Variants in CAPZB observed in about 807,000 individuals in gnomAD.
CAPZB encodes the protein capping actin protein of muscle Z-line subunit beta, also known as F-actin-capping protein subunit beta.
In CAPZB, 2 loss-of-function variants were observed where a neutral mutation model predicts 38.1. The observed-to-expected ratio is 0.05, with a 90% CI of 0.02 to 0.17. The LOEUF (loss-of-function observed/expected upper bound fraction) is 0.17. CAPZB is among the 10% of genes least tolerant of loss of function. The pLI is 1.00. For missense variants in CAPZB, 161 were observed against 334.2 expected (o/e 0.48, Z 4.04); for synonymous variants, 107 against 127.4 (o/e 0.84, Z 1.08).
chr1:19,466,027 G>A (rs1186808731), intron 1 of CAPZB, among the ~76,000 whole-genome samples: 1 of 152,148 alleles, frequency 6.6e-6, no homozygotes, highest in Non-Finnish European at 1.5e-5. Context: ...AAGTGTAAGG[G>A]AACAAAGATT....
intron 1 of CAPZB, among the ~76,000 whole-genome samples, chr1:19,436,625 T>C (rs1326985309): frequency 6.6e-6 from 1 of 152,178 alleles, no homozygotes; most frequent in African/African-American, 2.4e-5. Flanking sequence ...ATATTATCTG[T>C]GGTTTCAGGC....
At chr1:19,463,567 A>G (rs963170632) in intron 1 of CAPZB, among the ~76,000 whole-genome samples, 4 of 152,170 alleles carry the variant, frequency 2.6e-5, no homozygotes, top group African/African-American at 9.7e-5. Flanking sequence ...GGAGAGCAAA[A>G]GGCCCTGTGA....
chr1:19,340,855 G>A (rs1441138576), intron 8 of CAPZB, among the ~76,000 whole-genome samples: 1 of 152,196 alleles, frequency 6.6e-6, no homozygotes, highest in African/African-American at 2.4e-5. Flanking sequence ...CAGTTTAGAA[G>A]CAGTGGAAAG....
chr1:19,432,951 G>A (rs2094447225), intron 1 of CAPZB, among the ~76,000 whole-genome samples: 2 of 152,210 alleles, frequency 1.3e-5, no homozygotes, highest in Non-Finnish European at 2.9e-5. Context: ...ATCTGTCACC[G>A]TGGATTACAG....
chr1:19,420,621 G>C (rs1162983032), intron 1 of CAPZB, among the ~76,000 whole-genome samples: 1 of 151,724 alleles, frequency 6.6e-6, no homozygotes, highest in African/African-American at 2.4e-5. Context: ...GGGGAACATG[G>C]GGTTTTGCCA....
chr1:19,389,292 T>A (rs1043088948), intron 2 of CAPZB, among the ~76,000 whole-genome samples: 3 of 152,146 alleles, frequency 2.0e-5, no homozygotes, highest in African/African-American at 7.2e-5. Flanking sequence ...AACATGCACG[T>A]GCATTCCCCC....
intron 6 of CAPZB, among the ~76,000 whole-genome samples, chr1:19,346,625 T>G (rs1006497875): frequency 1.3e-5 from 2 of 151,982 alleles, no homozygotes; most frequent in African/African-American, 4.8e-5. Flanking sequence ...TCTCACCTAT[T>G]TCTACATCTC....
chr1:19,407,351 G>GAGAGGCCCAGAGATACAGAAC (rs1553279150), intron 2 of CAPZB, among the ~76,000 whole-genome samples: 4 of 152,162 alleles, frequency 2.6e-5, no homozygotes, highest in Admixed American at 1.3e-4. Flanking sequence ...GCAGTCCCAG[G>GAGAGGCCCAGAGATACAGAAC]AGAGGCCCAG....
At chr1:19,463,058 A>G (rs1346624516) in intron 1 of CAPZB, among the ~76,000 whole-genome samples, 2 of 152,248 alleles carry the variant, frequency 1.3e-5, no homozygotes, top group Non-Finnish European at 2.9e-5. Flanking sequence ...GTTCTCATCC[A>G]GCAGATTTAG....
At chr1:19,365,494 G>A (rs1055036040) in intron 4 of CAPZB, among the ~76,000 whole-genome samples, 5 of 152,166 alleles carry the variant, frequency 3.3e-5, no homozygotes, top group Non-Finnish European at 5.9e-5. Context: ...CCAGGAAGGA[G>A]GGCTCTGGTC....
chr1:19,393,465 C>T (rs982556156), intron 2 of CAPZB, among the ~76,000 whole-genome samples: 1 of 152,212 alleles, frequency 6.6e-6, no homozygotes, highest in African/African-American at 2.4e-5. Context: ...AGGGCACCCC[C>T]CAACCTGTGG....
intron 1 of CAPZB, chr1:19,420,052 C>T (rs1015148250): frequency 6.0e-6 from 2 of 332,064 alleles, no homozygotes; most frequent in Non-Finnish European, 1.1e-5. Flanking sequence ...CTCAACAGGC[C>T]CTGGTGGCTG....
intron 6 of CAPZB, among the ~76,000 whole-genome samples, chr1:19,355,270 G>A (rs1171764896): frequency 6.6e-6 from 1 of 152,154 alleles, no homozygotes; most frequent in Non-Finnish European, 1.5e-5. Context: ...GAGGTGGGCG[G>A]ATCACTTGAG....
At position 19,431,720 on chromosome 1, in the gene CAPZB, CAAAAAAT is replaced by C. The variant is rs147260274; in HGVS notation, c.4-11977_4-11971del. Among the ~76,000 whole-genome samples, 609 of 146,860 alleles carry C rather than the reference CAAAAAAT, an allele frequency of 4.1e-3. 3 individuals are homozygous for C. The highest frequency in any genetic ancestry group is 0.012 in the South Asian group (57 of 4,718). Reference sequence around the variant, plus strand: ...TGGGTGACAGAGTGAGACTCCGTCTCAAAAAATAAAAAATAAAAAATAAAAAATAAAA... The same window carrying C: ...TGGGTGACAGAGTGAGACTCCGTCTCAAAAAATAAAAAATAAAAAATAAAA... On this transcript the variant is annotated intron_variant, in intron 1 of 8. Transcript: ENST00000264202.
At chr1:19,448,934 A>G (rs775368514) in intron 1 of CAPZB, 6 of 1,612,678 alleles carry the variant, frequency 3.7e-6, no homozygotes, top group South Asian at 3.3e-5. Context: ...TGATGGGTTA[A>G]TAACAATCGT....
chr1:19,394,742 A>G (rs1001971300), intron 2 of CAPZB, among the ~76,000 whole-genome samples: 1 of 152,108 alleles, frequency 6.6e-6, no homozygotes, highest in African/African-American at 2.4e-5. Flanking sequence ...CAAAACAAAC[A>G]AACAAAAAAA....
At chr1:19,416,386 C>T (rs1378036358) in intron 2 of CAPZB, among the ~76,000 whole-genome samples, 2 of 152,186 alleles carry the variant, frequency 1.3e-5, no homozygotes. Flanking sequence ...AGCCACATCC[C>T]TATCCTGGCT....
At chr1:19,468,445 G>C (rs1164329696) in intron 1 of CAPZB, among the ~76,000 whole-genome samples, 3 of 152,136 alleles carry the variant, frequency 2.0e-5, no homozygotes, top group Non-Finnish European at 4.4e-5. Flanking sequence ...CTAGCTCGGG[G>C]TCCCCAAGGC....
At chr1:19,369,739 G>A (rs999875594) in intron 4 of CAPZB, among the ~76,000 whole-genome samples, 2 of 152,184 alleles carry the variant, frequency 1.3e-5, no homozygotes, top group South Asian at 2.1e-4. Context: ...CACAGACCTC[G>A]CTGAAGGGAC....
Sources: gnomAD v4.1 joint callset for allele counts (sites outside exome capture counted in the v4.1 genomes callset) on GRCh38, gnomAD v4.1.1 for gene constraint, MANE v1.5 for transcripts, NCBI Gene and HGNC (gene_info 2026-07-23, HGNC 2026-07-21) for gene names.